Variants in TFEC observed in about 807,000 individuals in gnomAD.
TFEC encodes class E basic helix-loop-helix protein 34.
Under a neutral mutation model 41.6 loss-of-function variants are expected in TFEC, and 31 were observed. That is an observed-to-expected ratio of 0.74 (90% CI 0.56 to 1.01). The LOEUF is 1.01. TFEC is among the 50% of genes least tolerant of loss of function. The probability of loss-of-function intolerance (pLI) is 0.00; values close to 1 mark genes in which losing one functional copy is unlikely to be tolerated. For synonymous variants in TFEC, 143 were observed against 140.6 expected (o/e 1.02, Z -0.12); for missense variants, 402 against 404.1 (o/e 0.99, Z 0.04).
At chr7:116,041,181 G>C (rs1484380718) in intron 3 of TFEC, among the ~76,000 whole-genome samples, 1 of 152,000 alleles carries the variant, frequency 6.6e-6, no homozygotes. Flanking sequence ...TAAGCTATGT[G>C]AGTTGCCTTA....
At chr7:115,963,193 T>C (rs1426176961) in intron 3 of TFEC, among the ~76,000 whole-genome samples, 1 of 151,712 alleles carries the variant, frequency 6.6e-6, no homozygotes, top group Non-Finnish European at 1.5e-5. Context: ...TTTCTCCAAT[T>C]AAGATATATA....
chr7:115,938,355 C>A lies in TFEC; in HGVS notation c.*2196G>T, dbSNP rs1391405652. 6.6e-6 allele frequency: 1 copy of A among 151,836 alleles called. No homozygotes were observed. Among genetic ancestry groups the A allele is most frequent in the Non-Finnish European group, 1.5e-5 (1 of 67,868 alleles). 9.4% of individuals were successfully genotyped at this position (151,836 alleles called of 1,614,324 possible). On this transcript the variant is annotated 3_prime_UTR_variant, in exon 8 of 8. Transcript: ENST00000265440. Reference sequence around the variant, plus strand: ...TTATCTATAATTTTTAACATTTAATCAAATTATCAACTCAGATAATGAAGT... The same window carrying A: ...TTATCTATAATTTTTAACATTTAATAAAATTATCAACTCAGATAATGAAGT...
intron 1 of TFEC, among the ~76,000 whole-genome samples, chr7:116,118,978 T>C (rs924261062): frequency 6.6e-6 from 1 of 151,940 alleles, no homozygotes; most frequent in African/African-American, 2.4e-5. Context: ...ATGACAACAG[T>C]ATTTATATGA....
At chr7:115,992,004 G>C (rs536010461) in intron 1 of TFEC, among the ~76,000 whole-genome samples, 6 of 152,216 alleles carry the variant, frequency 3.9e-5, no homozygotes, top group Admixed American at 3.3e-4. Context: ...ATAACAAACT[G>C]TCTCTCAGAC....
chr7:115,949,257 G>C (rs1791792290), intron 6 of TFEC, among the ~76,000 whole-genome samples: 1 of 151,944 alleles, frequency 6.6e-6, no homozygotes, highest in African/African-American at 2.4e-5. Flanking sequence ...TCAATATCGT[G>C]AAAATGGCCA....
rs1796115286 is a variant in TFEC at position 116,044,447 on chromosome 7, TTTC to T, written c.199-59937_199-59935del. Among the ~76,000 whole-genome samples the T allele has an allele frequency of 2.0e-5, 3 of 152,256 alleles. No individual in the cohort carries two copies. In the South Asian group the frequency reaches 6.2e-4, roughly 31 times the overall value. On this transcript the variant is annotated intron_variant, in intron 3 of 8. Coordinates refer to the TFEC transcript ENST00000484212. Reference sequence around the variant, plus strand: ...TAACACTTAATTGTTTGAAATATTATTTCTTTTCACAGTGTTATAGACACAAGA... The same window carrying T: ...TAACACTTAATTGTTTGAAATATTATTTTTCACAGTGTTATAGACACAAGA...
At position 116,010,544 on chromosome 7, in the gene TFEC, A is replaced by G. The variant is rs115562018; in HGVS notation, c.-73+20089T>C. On this transcript the variant is annotated intron_variant, in intron 1 of 7. Transcript: ENST00000265440. ...AAGCCTTGAAGATGTCCAGGAGGGG[A>G]AATGAAATAGGTAGCTAGACGTATG... Among the ~76,000 whole-genome samples, 869 of 152,210 alleles carry G rather than the reference A, an allele frequency of 5.7e-3. 4 individuals are homozygous for G. The highest frequency in any genetic ancestry group is 0.02 in the African/African-American group (838 of 41,534).
chr7:115,961,625 A>G (rs1792558658), intron 3 of TFEC, among the ~76,000 whole-genome samples: 1 of 151,712 alleles, frequency 6.6e-6, no homozygotes, highest in South Asian at 2.1e-4. Context: ...TGTTTGAAAA[A>G]AAATTAACAA....
chr7:116,079,603 C>T (rs1034744979), intron 3 of TFEC, among the ~76,000 whole-genome samples: 1 of 151,914 alleles, frequency 6.6e-6, no homozygotes, highest in Non-Finnish European at 1.5e-5. Context: ...AAATAAAACA[C>T]TTAGAAATAT....
intron 2 of TFEC, among the ~76,000 whole-genome samples, chr7:116,111,484 T>C (rs1673533799): frequency 6.6e-6 from 1 of 151,980 alleles, no homozygotes; most frequent in Non-Finnish European, 1.5e-5. Context: ...TGTATCCTCA[T>C]TAAATGAGAA....
intron 3 of TFEC, among the ~76,000 whole-genome samples, chr7:115,959,090 C>A (rs1180946169): frequency 6.6e-6 from 1 of 151,740 alleles, no homozygotes; most frequent in Non-Finnish European, 1.5e-5. Flanking sequence ...CAAATGAATA[C>A]CTATTTTATG....
At chr7:116,024,626 G>A (rs1795520490) in intron 1 of TFEC, among the ~76,000 whole-genome samples, 1 of 152,092 alleles carries the variant, frequency 6.6e-6, no homozygotes, top group African/African-American at 2.4e-5. Context: ...TCAAAGAAGA[G>A]GAGAATATTT....
chr7:115,971,025 CT>C (rs1401013383), intron 3 of TFEC, among the ~76,000 whole-genome samples: 1 of 151,944 alleles, frequency 6.6e-6, no homozygotes, highest in Non-Finnish European at 1.5e-5. Context: ...GGTAAATATT[CT>C]CATTTTTGAA....
At chr7:116,085,229 A>G (rs985006968) in intron 3 of TFEC, among the ~76,000 whole-genome samples, 13 of 151,920 alleles carry the variant, frequency 8.6e-5, no homozygotes, top group Admixed American at 3.3e-4. Context: ...AAAGATAGAT[A>G]GAAACCAGAT....
intron 1 of TFEC, among the ~76,000 whole-genome samples, chr7:116,136,407 G>A (rs1461636182): frequency 1.3e-5 from 2 of 151,748 alleles, no homozygotes; most frequent in East Asian, 3.9e-4. Context: ...GCTGTAAATA[G>A]AACATAGTGC....
chr7:116,094,154 A>T (rs1374096475), intron 3 of TFEC, among the ~76,000 whole-genome samples: 1 of 152,168 alleles, frequency 6.6e-6, no homozygotes, highest in Non-Finnish European at 1.5e-5. Context: ...GACATAAATA[A>T]TCTTGATTCC....
chr7:116,069,938 C>T (rs1465152574), intron 3 of TFEC, among the ~76,000 whole-genome samples: 2 of 151,412 alleles, frequency 1.3e-5, no homozygotes, highest in Non-Finnish European at 3.0e-5. Flanking sequence ...CTCAGATCTG[C>T]TTCTTTTAAA....
intron 1 of TFEC, among the ~76,000 whole-genome samples, chr7:116,137,092 G>A (rs1421210629): frequency 6.6e-6 from 1 of 151,986 alleles, no homozygotes; most frequent in African/African-American, 2.4e-5. Context: ...TTTACCACAT[G>A]TTCTGTTGTG....
At chr7:116,140,844 T>A in intron 1 of TFEC, among the ~76,000 whole-genome samples, 1 of 152,218 alleles carries the variant, frequency 6.6e-6, no homozygotes, top group Non-Finnish European at 1.5e-5. Flanking sequence ...AACACATCCA[T>A]GAGACATGAA....
Sources: allele counts gnomAD v4.1 joint callset (sites outside exome capture counted in the v4.1 genomes callset), GRCh38; gene constraint gnomAD v4.1.1; transcripts MANE v1.5; gene names NCBI Gene and HGNC (gene_info 2026-07-23, HGNC 2026-07-21).